Variants in PVT1 observed in about 807,000 individuals in gnomAD.
PVT1 encodes Pvt1 oncogene, also known as CXCR4/PVT1 fusion.
intron 3 of PVT1, among the ~76,000 whole-genome samples, chr8:127,892,068 C>T (rs139339178): frequency 1.2e-4 from 19 of 152,344 alleles, no homozygotes; most frequent in African/African-American, 4.6e-4. Flanking sequence ...TTGAGGCCAC[C>T]TGGCATGTGG....
chr8:127,964,717 C>T (rs1034165713), intron 3 of PVT1, among the ~76,000 whole-genome samples: 2 of 152,134 alleles, frequency 1.3e-5, no homozygotes, highest in Non-Finnish European at 2.9e-5. Flanking sequence ...AATCTCTGCT[C>T]TTGTCTCCAC....
intron 2 of PVT1, among the ~76,000 whole-genome samples, chr8:127,798,704 C>CAAAA (rs71300266): frequency 1.1e-4 from 12 of 110,462 alleles, no homozygotes; most frequent in Non-Finnish European, 1.2e-4. Context: ...ACTAAAAATA[C>CAAAA]AAAAAAAAAA....
chr8:127,973,693 A>AG (rs1244297370), intron 3 of PVT1, among the ~76,000 whole-genome samples: 1 of 150,924 alleles, frequency 6.6e-6, no homozygotes, highest in East Asian at 2.0e-4. Context: ...AAAAAAAAAA[A>AG]GAAGGCCAAA....
intron 2 of PVT1, among the ~76,000 whole-genome samples, chr8:127,862,371 G>T (rs1033881118): frequency 5.9e-5 from 9 of 151,538 alleles, no homozygotes; most frequent in African/African-American, 9.7e-5. Context: ...TCATACCACT[G>T]CACTCCAGCC....
At chr8:128,043,803 C>T (rs868406400) in intron 4 of PVT1, among the ~76,000 whole-genome samples, 6 of 142,496 alleles carry the variant, frequency 4.2e-5, no homozygotes, top group African/African-American at 1.6e-4. Context: ...CACACACACA[C>T]ATACACAAGG....
chr8:127,998,688 TTTTC>T (rs1024583069), intron 4 of PVT1, among the ~76,000 whole-genome samples: 4 of 148,458 alleles, frequency 2.7e-5, no homozygotes, highest in Non-Finnish European at 6.0e-5. Context: ...TCCCTTCCTC[TTTTC>T]TTTCTTCTTT....
At chr8:127,842,464 C>A in intron 2 of PVT1, among the ~76,000 whole-genome samples, 1 of 151,774 alleles carries the variant, frequency 6.6e-6, no homozygotes, top group East Asian at 1.9e-4. Context: ...TAGGGTCTCT[C>A]TTTGTTGCTC....
chr8:128,076,563 G>T (rs1415905229), intron 5 of PVT1, among the ~76,000 whole-genome samples: 2 of 152,150 alleles, frequency 1.3e-5, no homozygotes, highest in African/African-American at 4.8e-5. Flanking sequence ...AAAGGTTGTG[G>T]ACCCCTGAAT....
intron 4 of PVT1, among the ~76,000 whole-genome samples, chr8:128,032,713 C>T (rs2130073192): frequency 6.6e-6 from 1 of 152,332 alleles, no homozygotes; most frequent in South Asian, 2.1e-4. Context: ...GTGTGGCTGC[C>T]TGGTGGCTGA....
chr8:127,961,576 A>G (rs1816643338), intron 3 of PVT1, among the ~76,000 whole-genome samples: 1 of 152,214 alleles, frequency 6.6e-6, no homozygotes, highest in African/African-American at 2.4e-5. Flanking sequence ...CCAAGACTGC[A>G]TGAGCAAATC....
chr8:127,937,580 C>CACACACACAGAGAG (rs59006608), intron 3 of PVT1, among the ~76,000 whole-genome samples: 3 of 107,794 alleles, frequency 2.8e-5, no homozygotes, highest in African/African-American at 1.1e-4. Context: ...CACACACACA[C>CACACACACAGAGAG]AGAGAGAGAG....
chr8:127,865,676 C>T (rs1815279270), intron 2 of PVT1, among the ~76,000 whole-genome samples: 1 of 152,228 alleles, frequency 6.6e-6, no homozygotes, highest in African/African-American at 2.4e-5. Context: ...TGCTAACACT[C>T]AGTGAGACCC....
chr8:127,883,621 TA>T (rs1043257277), intron 2 of PVT1, among the ~76,000 whole-genome samples: 41 of 146,262 alleles, frequency 2.8e-4, no homozygotes, highest in African/African-American at 5.8e-4. Context: ...TAAAGTATAA[TA>T]AAAAAAAATA....
At chr8:127,960,689 A>T (rs1444526050) in intron 3 of PVT1, 1 of 524,258 alleles carries the variant, frequency 1.9e-6, no homozygotes, top group East Asian at 5.6e-5. Flanking sequence ...CCTGTTCTGG[A>T]GTCTGTCTCC....
chr8:127,801,519 G>A (rs1016183923), intron 2 of PVT1, among the ~76,000 whole-genome samples: 2 of 152,298 alleles, frequency 1.3e-5, no homozygotes, highest in South Asian at 4.1e-4. Context: ...GGGATTACAG[G>A]TGTGAACCAC....
chr8:128,019,476 C>A (rs1817409742), intron 4 of PVT1, among the ~76,000 whole-genome samples: 1 of 152,158 alleles, frequency 6.6e-6, no homozygotes, highest in African/African-American at 2.4e-5. Context: ...ATGGTGAAAT[C>A]CCACCGCAGC....
At chr8:127,918,623 A>G (rs1011426063) in intron 3 of PVT1, among the ~76,000 whole-genome samples, 2 of 152,186 alleles carry the variant, frequency 1.3e-5, no homozygotes, top group Non-Finnish European at 2.9e-5. Context: ...ATGCTGGCAC[A>G]TAGTAGGCCC....
intron 4 of PVT1, among the ~76,000 whole-genome samples, chr8:128,065,559 T>G (rs1203724755): frequency 2.6e-5 from 4 of 152,282 alleles, no homozygotes; most frequent in African/African-American, 9.6e-5. Flanking sequence ...CAGGCCAGTC[T>G]GAAACTTGGC....
intron 2 of PVT1, among the ~76,000 whole-genome samples, chr8:127,844,858 CG>C (rs1158623943): frequency 3.3e-5 from 5 of 152,090 alleles, no homozygotes; most frequent in African/African-American, 1.2e-4. Flanking sequence ...GAACTACAGG[CG>C]CCCACCACCA....
Sources: gnomAD v4.1 joint callset for allele counts (sites outside exome capture counted in the v4.1 genomes callset) on GRCh38, gnomAD v4.1.1 for gene constraint, MANE v1.5 for transcripts, NCBI Gene and HGNC (gene_info 2026-07-23, HGNC 2026-07-21) for gene names.